SKAP1: variants seen among roughly 807,000 people sequenced by gnomAD.
SKAP1 encodes the protein src kinase-associated phosphoprotein 1.
A neutral mutation model predicts 58.5 loss-of-function variants in SKAP1; 44 were observed. The observed-to-expected ratio is 0.75, with a 90% CI of 0.59 to 0.97. The LOEUF (loss-of-function observed/expected upper bound fraction) is 0.97, where lower values mean the gene tolerates loss of function less well. SKAP1 is among the 50% of genes least tolerant of loss of function. The pLI, the probability that SKAP1 is intolerant of heterozygous loss-of-function variation, is 0.00. For synonymous variants in SKAP1, 127 were observed against 149.7 expected (o/e 0.85, Z 1.11); for missense variants, 390 against 435.2 (o/e 0.90, Z 0.92).
chr17:48,236,483 A>T (rs1376916037), intron 4 of SKAP1, among the ~76,000 whole-genome samples: 1 of 152,220 alleles, frequency 6.6e-6, no homozygotes, highest in Non-Finnish European at 1.5e-5. Context: ...AATGAAAAGT[A>T]ATCAATCCCC....
chr17:48,414,782 TG>T (rs1378510277), intron 1 of SKAP1, among the ~76,000 whole-genome samples: 4 of 152,190 alleles, frequency 2.6e-5, no homozygotes, highest in Non-Finnish European at 5.9e-5. Context: ...CTGTAGAATT[TG>T]AAGGCCAGCT....
intron 4 of SKAP1, among the ~76,000 whole-genome samples, chr17:48,255,587 A>G (rs2065414489): frequency 6.6e-6 from 1 of 152,074 alleles, no homozygotes; most frequent in South Asian, 2.1e-4. Flanking sequence ...AATCTGGCAG[A>G]GAAACTAATT....
At chr17:48,390,733 G>A (rs1445219963) in intron 2 of SKAP1, among the ~76,000 whole-genome samples, 1 of 152,186 alleles carries the variant, frequency 6.6e-6, no homozygotes, top group Non-Finnish European at 1.5e-5. Context: ...TCAGTACTGG[G>A]AAGAATTATA....
At position 48,429,979 on chromosome 17, in the gene SKAP1, G is replaced by C. The variant is rs562869908; in HGVS notation, c.46+96C>G. 6 of 1,053,462 alleles carry C rather than the reference G, an allele frequency of 5.7e-6. No homozygotes were observed. The African/African-American group carries it at 8.2e-5, about 14-fold the overall frequency. 65.3% of individuals were successfully genotyped at this position (1,053,462 alleles called of 1,614,324 possible). A position where few individuals can be genotyped will look rare whatever the true frequency, so the allele number is the denominator to read the frequency against. ...GCCTTAAGGTTCTAGAAGGAGGTGAGTGACGAAGCCGTAAAGAAAGCCTGG... is the reference window on the plus strand; with the variant it reads ...GCCTTAAGGTTCTAGAAGGAGGTGACTGACGAAGCCGTAAAGAAAGCCTGG... On this transcript the variant is annotated intron_variant, in intron 1 of 12. Coordinates refer to ENST00000336915, the MANE Select transcript of SKAP1 (RefSeq NM_003726.4).
At chr17:48,351,395 C>T (rs1265213865) in intron 3 of SKAP1, among the ~76,000 whole-genome samples, 8 of 152,172 alleles carry the variant, frequency 5.3e-5, no homozygotes, top group African/African-American at 1.9e-4. Context: ...TCAAATTCTT[C>T]TCTGTTCTAT....
At chr17:48,400,714 C>T (rs1191226951) in intron 1 of SKAP1, among the ~76,000 whole-genome samples, 2 of 151,492 alleles carry the variant, frequency 1.3e-5, no homozygotes, top group Non-Finnish European at 2.9e-5. Flanking sequence ...CATCACTGCA[C>T]TCCAGGCTGG....
intron 4 of SKAP1, among the ~76,000 whole-genome samples, chr17:48,197,677 C>CA (rs1340194369): frequency 6.6e-6 from 1 of 152,000 alleles, no homozygotes; most frequent in African/African-American, 2.4e-5. Context: ...AGACTCAAAA[C>CA]AAAAAACAAA....
At position 48,271,667 on chromosome 17, in the gene SKAP1, T is replaced by C. The variant is rs371825651; in HGVS notation, c.280+74238A>G. 1.1e-4 allele frequency among the ~76,000 whole-genome samples: 16 copies of C among 152,300 alleles called. No individual in the cohort carries two copies. In the East Asian group the frequency reaches 2.7e-3, roughly 26 times the overall value. On this transcript the variant is annotated intron_variant, in intron 4 of 12. Coordinates refer to ENST00000336915, the MANE Select transcript of SKAP1 (RefSeq NM_003726.4). ...ATGAGCTACTGCACCTGGACTATTC[T>C]TGTTTCTTGATTTTTTTTCTCTATT...
At chr17:48,344,940 A>G (rs2066703166) in intron 4 of SKAP1, among the ~76,000 whole-genome samples, 1 of 152,262 alleles carries the variant, frequency 6.6e-6, no homozygotes, top group Admixed American at 6.5e-5. Flanking sequence ...GAAAGATTGC[A>G]GACTAACAAA....
intron 3 of SKAP1, among the ~76,000 whole-genome samples, chr17:48,359,428 A>G (rs1343016462): frequency 3.3e-5 from 5 of 152,154 alleles, no homozygotes; most frequent in Non-Finnish European, 7.4e-5. Flanking sequence ...CAGTGTTCAA[A>G]TTTCTAATTC....
chr17:48,187,029 C>A (rs1030298572), intron 6 of SKAP1, among the ~76,000 whole-genome samples: 3 of 152,182 alleles, frequency 2.0e-5, no homozygotes, highest in African/African-American at 7.2e-5. Context: ...CTCCCTCTTG[C>A]GTCTTAGAAT....
At chr17:48,381,071 C>T (rs1202292149) in intron 2 of SKAP1, among the ~76,000 whole-genome samples, 1 of 152,186 alleles carries the variant, frequency 6.6e-6, no homozygotes, top group Non-Finnish European at 1.5e-5. Context: ...TCTTCCTTCT[C>T]TGGGTACAGG....
intron 4 of SKAP1, among the ~76,000 whole-genome samples, chr17:48,341,885 A>G (rs1049911494): frequency 1.3e-5 from 2 of 152,234 alleles, no homozygotes; most frequent in Non-Finnish European, 2.9e-5. Context: ...TATAACAAAT[A>G]AATACATTAT....
intron 9 of SKAP1, among the ~76,000 whole-genome samples, chr17:48,178,583 CTA>C (rs1422417796): frequency 6.6e-6 from 1 of 152,196 alleles, no homozygotes; most frequent in Non-Finnish European, 1.5e-5. Flanking sequence ...ATTTTCCACT[CTA>C]TAAAATTACC....
intron 8 of SKAP1, 127 bp from the exon 9 acceptor site, chr17:48,180,375 T>G: frequency 2.8e-6 from 2 of 706,316 alleles, no homozygotes. Context: ...AACATTAGGT[T>G]AAATGCTATT....
intron 11 of SKAP1, among the ~76,000 whole-genome samples, chr17:48,158,355 G>C: frequency 6.7e-6 from 1 of 149,984 alleles, no homozygotes; most frequent in Non-Finnish European, 1.5e-5. Context: ...GACCATTCTG[G>C]CTAACACAGT....
chr17:48,269,889 T>G (rs930488797), intron 4 of SKAP1, among the ~76,000 whole-genome samples: 7 of 151,664 alleles, frequency 4.6e-5, no homozygotes, highest in Non-Finnish European at 7.4e-5. Flanking sequence ...AGGTCGGGAG[T>G]ATCACCTGAG....
chr17:48,298,510 T>A (rs2066011571), intron 4 of SKAP1, among the ~76,000 whole-genome samples: 1 of 152,216 alleles, frequency 6.6e-6, no homozygotes, highest in African/African-American at 2.4e-5. Flanking sequence ...AAGACAAAAA[T>A]TAAAAACTCT....
At chr17:48,231,393 C>T (rs1392615549) in intron 4 of SKAP1, among the ~76,000 whole-genome samples, 2 of 151,996 alleles carry the variant, frequency 1.3e-5, no homozygotes, top group African/African-American at 2.4e-5. Flanking sequence ...TAAAAGCATA[C>T]ATGCTTACAC....
Sources: gnomAD v4.1 joint callset for allele counts (sites outside exome capture counted in the v4.1 genomes callset) on GRCh38, gnomAD v4.1.1 for gene constraint, MANE v1.5 for transcripts, NCBI Gene and HGNC (gene_info 2026-07-23, HGNC 2026-07-21) for gene names.